SPG11: variants seen among roughly 807,000 people sequenced by gnomAD.
The protein encoded by SPG11 is spatacsin.
Under a neutral mutation model 274.0 loss-of-function variants are expected in SPG11, and 222 were observed. That is an observed-to-expected ratio of 0.81 (90% CI 0.73 to 0.91). The LOEUF (loss-of-function observed/expected upper bound fraction) is 0.91, where lower values mean the gene tolerates loss of function less well. SPG11 is among the 40% of genes least tolerant of loss of function. The pLI is 0.00. For missense variants in SPG11, 3,114 were observed against 2,872.7 expected (o/e 1.08, Z -1.92); for synonymous variants, 1,144 against 1,039.7 (o/e 1.10, Z -1.93).
intron 20 of SPG11, among the ~76,000 whole-genome samples, chr15:44,603,485 T>C (rs1001032519): frequency 6.6e-6 from 1 of 152,224 alleles, no homozygotes; most frequent in Non-Finnish European, 1.5e-5. Flanking sequence ...GTTGTATTCA[T>C]AGAGCATGAA....
At chr15:44,663,055 GA>G (rs545927390) in intron 1 of SPG11, among the ~76,000 whole-genome samples, 54 of 152,368 alleles carry the variant, frequency 3.5e-4, no homozygotes, top group Middle Eastern at 3.4e-3. Flanking sequence ...TCGACCCTGT[GA>G]CAGTTAATCA....
intron 20 of SPG11, among the ~76,000 whole-genome samples, chr15:44,603,930 TTGGTTGAATCCTTGGATG>T (rs1308283282): frequency 2.6e-5 from 4 of 152,088 alleles, no homozygotes. Context: ...CCATCTGAGG[TTGGTTGAATCCTTGGATG>T]TGGATCCCAA....
rs762984258 is a variant in SPG11 at position 44,598,795 on chromosome 15, G to A, written c.3728C>T (p.Ser1243Phe). The A allele has an allele frequency of 1.9e-6, 3 of 1,614,210 alleles. No homozygotes were observed. The highest frequency in any genetic ancestry group is 1.7e-6 in the Non-Finnish European group (2 of 1,180,032). ...VGNEAYVIGL[S>F]SFHIPSIGAA... ...TCCTATTGAAGGTATGTGGAAGGAG[G>A]AGAGCCCTATAACATAGGCTTCATT... Residue 1243 changes from serine (S) to phenylalanine (F), a missense_variant, in exon 22 of 40, where the codon TCC (serine) becomes TTC (phenylalanine). Coordinates refer to ENST00000261866, the MANE Select transcript of SPG11 (RefSeq NM_025137.4).
intron 33 of SPG11, among the ~76,000 whole-genome samples, chr15:44,571,089 C>T (rs1170934286): frequency 6.6e-6 from 1 of 152,162 alleles, no homozygotes; most frequent in Non-Finnish European, 1.5e-5. Flanking sequence ...TAGTGAAAGT[C>T]TGACATGTAC....
chr15:44,622,952 C>A (rs945328895), intron 11 of SPG11, among the ~76,000 whole-genome samples, 153 bp from the exon 12 acceptor site: 4 of 152,140 alleles, frequency 2.6e-5, no homozygotes, highest in Non-Finnish European at 5.9e-5. Context: ...CATTTCCCTA[C>A]TTTCTTTTTT....
In SPG11 at chr15:44,565,945, T is replaced by A. The variant is rs1350164343; in HGVS notation, c.6908A>T (p.His2303Leu). The change falls in exon 38 of 40, where the codon CAC becomes CTC. Residue 2303 changes from histidine (H) to leucine (L), a missense_variant. Transcript: ENST00000261866. ...RLTKLITLQI[H>L]FLNTGQNTML... The stretch of plus-strand genomic sequence containing the variant: ...TGTGTTCTGGCCAGTGTTCAGAAAG[T>A]GAATCTGCAGAGTTATCAACTTGGT... 5.0e-6 allele frequency: 8 copies of A among 1,613,744 alleles called. No individual in the cohort carries two copies. The highest frequency in any genetic ancestry group is 6.8e-6 in the Non-Finnish European group (8 of 1,180,012).
At chr15:44,592,640 G>A (rs1469363809) in intron 26 of SPG11, among the ~76,000 whole-genome samples, 2 of 151,982 alleles carry the variant, frequency 1.3e-5, no homozygotes, top group African/African-American at 2.4e-5. Context: ...CCAACATGAT[G>A]AAACCCCATC....
In SPG11 at chr15:44,592,296, G is replaced by A. The variant is rs1256658855; in HGVS notation, c.4743+35C>T. 4 of 1,287,108 alleles carry A rather than the reference G, an allele frequency of 3.1e-6. No homozygotes were observed. The African/African-American group carries it at 4.4e-5, about 14-fold the overall frequency. The allele number at this position is 1,287,108 out of a possible 1,614,324, so 79.7% of individuals were successfully genotyped here. ...AGTCCATGCATGCCAACCAAGTGCA[G>A]ATCAGTGAGAAAGAGCACCATAATT... is the stretch of plus-strand genomic sequence containing the variant. On this transcript the variant is annotated intron_variant, in intron 27 of 39. Coordinates refer to ENST00000261866, the MANE Select transcript of SPG11 (RefSeq NM_025137.4).
chr15:44,627,565 G>C (rs2083938027), intron 10 of SPG11, among the ~76,000 whole-genome samples: 1 of 151,326 alleles, frequency 6.6e-6, no homozygotes. Flanking sequence ...GGAAAAAGGA[G>C]ACAAAAAAGT....
chr15:44,633,173 T>C (rs2084121670), intron 8 of SPG11, among the ~76,000 whole-genome samples: 1 of 151,182 alleles, frequency 6.6e-6, no homozygotes. Context: ...CCCCATTCTC[T>C]ACAAAGAATA....
rs908048525 is a variant in SPG11, at chr15:44,604,931, C to CAAAAAAAAAAAA, written c.3520+1082_3520+1093dup. Among the ~76,000 whole-genome samples the CAAAAAAAAAAAA allele has an allele frequency of 4.0e-4, 9 of 22,496 alleles. 1 individual carries two copies. Among genetic ancestry groups the CAAAAAAAAAAAA allele is most frequent in the African/African-American group, 1.4e-3 (7 of 5,132 alleles). The allele number at this position is 22,496 out of a possible 152,430, so 14.8% of individuals were successfully genotyped here. A position where few individuals can be genotyped will look rare whatever the true frequency, so the allele number is the denominator to read the frequency against. ...CCTGGGCGGAACAAGACTCCATCTC[C>CAAAAAAAAAAAA]AAAAAAAAAAAAAAAAAAAAAAAAA... On this transcript the variant is annotated intron_variant, in intron 20 of 39. Coordinates refer to ENST00000261866, the MANE Select transcript of SPG11 (RefSeq NM_025137.4).
chr15:44,617,065 T>C (rs1314229609), intron 15 of SPG11, among the ~76,000 whole-genome samples: 2 of 152,246 alleles, frequency 1.3e-5, no homozygotes, highest in South Asian at 2.1e-4. Flanking sequence ...CTCACCTCTA[T>C]GGGTTCTACT....
At position 44,573,584 on chromosome 15, in the gene SPG11, C is replaced by G; in HGVS notation, c.6168G>C (p.Glu2056Asp). ...ATGAAGTAAGCAGCTCCCGTGTCAC[C>G]TCTTCTGCCACGAGTTCAGCCACAG... ...PDTVAELVAE[E>D]VTRELLTSSQ... The change falls in exon 32 of 40, where the codon GAG becomes GAC. Residue 2056 changes from glutamate to aspartate, a missense_variant. By Grantham distance (45) the Glu-to-Asp change is conservative. Transcript: ENST00000261866. 2.5e-6 allele frequency: 4 copies of G among 1,614,146 alleles called. No homozygotes were observed. The highest frequency in any genetic ancestry group is 3.4e-6 in the Non-Finnish European group (4 of 1,180,032).
intron 14 of SPG11, chr15:44,621,030 G>C (rs1398548981): frequency 1.3e-5 from 2 of 153,284 alleles, no homozygotes; most frequent in Non-Finnish European, 2.9e-5. Context: ...GTAGAGATGG[G>C]GGTCTCACTA....
intron 14 of SPG11, 124 bp downstream of exon 14, chr15:44,621,635 A>G (rs921532114): frequency 6.2e-6 from 6 of 972,204 alleles, no homozygotes. Flanking sequence ...CTTGCATTTT[A>G]AAGAACCTGA....
chr15:44,651,781 T>C lies in SPG11; in HGVS notation c.1166A>G (p.Gln389Arg). 6.2e-7 allele frequency: 1 copy of C among 1,614,224 alleles called. No individual in the cohort carries two copies. Among genetic ancestry groups the C allele is most frequent in the Non-Finnish European group, 8.5e-7 (1 of 1,180,048 alleles). Reference protein sequence around the residue: ...TSVQSWAFIPQDIMHGQYNVL... With the variant: ...TSVQSWAFIPRDIMHGQYNVL... ...ATTATATTGCCCATGCATTATGTCC[T>C]GTGGAATGAAGGCCCAGCTCTGCAC... is the stretch of plus-strand genomic sequence containing the variant. The change falls in exon 6 of 40, where the codon CAG (glutamine) becomes CGG (arginine). Residue 389 changes from glutamine (Q) to arginine (R), a missense_variant. Physicochemically the swap from Gln to Arg is conservative, Grantham distance 43. Transcript: ENST00000261866.
Position 44,574,927 on chromosome 15 carries a change from A to G in SPG11, c.5981T>C (p.Val1994Ala). Residue 1994 changes from valine (V) to alanine (A), a missense_variant, in exon 31 of 40, where the codon GTC becomes GCC. Coordinates refer to ENST00000261866, the MANE Select transcript of SPG11 (RefSeq NM_025137.4). ...CLHGKNYCRQ[V>A]LCLYDLAKEL... ...CTTGGCAAGATCATACAGACAGAGG[A>G]CCTGTCGACAGTAGTTCTTCCCATG... 1 of 1,614,028 alleles carries G rather than the reference A, an allele frequency of 6.2e-7. No individual in the cohort carries two copies. Among genetic ancestry groups the G allele is most frequent in the South Asian group, 1.1e-5 (1 of 91,086 alleles).
At chr15:44,585,430 CAAAAA>C (rs67858533) in intron 29 of SPG11, among the ~76,000 whole-genome samples, 2 of 97,292 alleles carry the variant, frequency 2.1e-5, no homozygotes, top group African/African-American at 8.5e-5. Context: ...ACTAAAAATA[CAAAAA>C]AAAAAAAAAA....
Position 44,657,175 on chromosome 15 carries a change from T to C in SPG11, c.789A>G (p.Lys263=), listed in dbSNP as rs764439012. 6.2e-6 allele frequency: 10 copies of C among 1,614,174 alleles called. No individual in the cohort carries two copies. The East Asian group carries it at 2.0e-4, about 32-fold the overall frequency. Residue 263 remains lysine (K), a synonymous_variant, in exon 4 of 40, where the codon AAA becomes AAG. Coordinates refer to ENST00000261866, the MANE Select transcript of SPG11 (RefSeq NM_025137.4). ...CTGCAACATCGAGGTCTTGAGAAAC[T>C]TTCAGTGAAGTAAATGAAGAAATCT... is the stretch of plus-strand genomic sequence containing the variant. ...PAKISSFTSL[K]VSQDLDVAVI...
Sources: gnomAD v4.1 joint callset for allele counts (sites outside exome capture counted in the v4.1 genomes callset) on GRCh38, gnomAD v4.1.1 for gene constraint, MANE v1.5 for transcripts, NCBI Gene and HGNC (gene_info 2026-07-23, HGNC 2026-07-21) for gene names.